CBLB: variants seen among roughly 807,000 people sequenced by gnomAD.
CBLB encodes Cbl proto-oncogene B.
A neutral mutation model predicts 104.9 loss-of-function variants in CBLB; 31 were observed. The ratio of observed to expected loss-of-function variants is 0.30; its 90% CI spans 0.22 to 0.40. The LOEUF is 0.40. Among genes scored for constraint, CBLB ranks in the 10% least tolerant of loss-of-function variants. The pLI, the probability that CBLB is intolerant of heterozygous loss-of-function variation, is 1.00. For synonymous variants in CBLB, 440 were observed against 422.6 expected, an observed-to-expected ratio of 1.04 and a Z score of -0.51; for missense variants, 1,062 against 1,214.6, an observed-to-expected ratio of 0.87 and a Z score of 1.87.
chr3:105,838,206 C>G (rs918606577), intron 3 of CBLB, among the ~76,000 whole-genome samples: 1 of 149,438 alleles, frequency 6.7e-6, no homozygotes, highest in Non-Finnish European at 1.5e-5. Context: ...ATTTCAGCCT[C>G]CAGAGTAGCT....
chr3:105,834,299 C>A (rs867425901), intron 3 of CBLB, among the ~76,000 whole-genome samples: 7 of 152,100 alleles, frequency 4.6e-5, no homozygotes, highest in African/African-American at 1.7e-4. Flanking sequence ...TTTAGCCATT[C>A]CACAATGTAT....
chr3:105,680,419 G>A (rs1468575170), intron 16 of CBLB, among the ~76,000 whole-genome samples: 1 of 152,136 alleles, frequency 6.6e-6, no homozygotes, highest in Admixed American at 6.5e-5. Context: ...TAACCCATAT[G>A]CAAATATACA....
At chr3:105,749,844 T>A in intron 5 of CBLB, 1 of 202,128 alleles carries the variant, frequency 4.9e-6, no homozygotes. Flanking sequence ...CTTAAAATCT[T>A]TGAAAAAAAC....
intron 12 of CBLB, among the ~76,000 whole-genome samples, chr3:105,697,473 C>A (rs1400729515): frequency 6.6e-6 from 1 of 151,958 alleles, no homozygotes; most frequent in Non-Finnish European, 1.5e-5. Context: ...AAAACACAAG[C>A]CTTTACCTTA....
intron 3 of CBLB, among the ~76,000 whole-genome samples, chr3:105,841,324 T>C (rs2089509341): frequency 6.6e-6 from 1 of 151,638 alleles, no homozygotes; most frequent in African/African-American, 2.4e-5. Context: ...ATTAAAAATG[T>C]TCACACCACA....
chr3:105,824,962 G>C (rs1319369653), intron 3 of CBLB, among the ~76,000 whole-genome samples: 2 of 152,112 alleles, frequency 1.3e-5, no homozygotes, highest in African/African-American at 4.8e-5. Context: ...AGAGTACCTA[G>C]AGCGTTACTA....
intron 18 of CBLB, among the ~76,000 whole-genome samples, chr3:105,662,933 T>C (rs2063931449): frequency 6.9e-6 from 1 of 145,498 alleles, no homozygotes; most frequent in Non-Finnish European, 1.5e-5. Flanking sequence ...CACTTGAGAC[T>C]GTCATTAGGA....
chr3:105,681,856 T>C (rs375424779), intron 14 of CBLB, 38 bp from the exon 15 acceptor site: 103 of 1,172,460 alleles, frequency 8.8e-5, no homozygotes, highest in East Asian at 2.1e-4. Context: ...ATAAGGAGAA[T>C]ACTTTCCAAT....
intron 18 of CBLB, among the ~76,000 whole-genome samples, chr3:105,668,530 T>C (rs1395310510): frequency 6.6e-6 from 1 of 152,168 alleles, no homozygotes; most frequent in African/African-American, 2.4e-5. Context: ...TTAAAAAAAA[T>C]TGCTTCCTTA....
At chr3:105,659,497 A>G (rs2063575781) in intron 18 of CBLB, among the ~76,000 whole-genome samples, 1 of 152,158 alleles carries the variant, frequency 6.6e-6, no homozygotes, top group African/African-American at 2.4e-5. Context: ...TCTTCAAGCC[A>G]TATGTGGTCA....
intron 12 of CBLB, among the ~76,000 whole-genome samples, chr3:105,696,057 C>CAT (rs1034056814): frequency 1.3e-5 from 2 of 151,290 alleles, no homozygotes; most frequent in Admixed American, 1.3e-4. Context: ...TATACACATA[C>CAT]ATATATATAC....
intron 4 of CBLB, among the ~76,000 whole-genome samples, chr3:105,767,760 C>A (rs2078388955): frequency 6.6e-6 from 1 of 151,888 alleles, no homozygotes; most frequent in Non-Finnish European, 1.5e-5. Context: ...TATTTTAAGC[C>A]GTCATAACAA....
chr3:105,799,976 A>C lies in CBLB; in HGVS notation c.420-23434T>G, dbSNP rs1195136419. 1.3e-5 allele frequency among the ~76,000 whole-genome samples: 2 copies of C among 152,212 alleles called. 1 individual carries two copies. On this transcript the variant is annotated intron_variant, in intron 3 of 18. Transcript: ENST00000394030. ...TTTTAGACTAAGCAGCCAGGGACAT[A>C]ATTTTAAAAGTACATCTGAAATACC...
chr3:105,828,288 G>T (rs1281903061), intron 3 of CBLB, among the ~76,000 whole-genome samples: 1 of 152,068 alleles, frequency 6.6e-6, no homozygotes, highest in Non-Finnish European at 1.5e-5. Flanking sequence ...TGTGAACCCA[G>T]GAAATGCTAT....
At chr3:105,806,757 A>G (rs1397748589) in intron 3 of CBLB, among the ~76,000 whole-genome samples, 1 of 152,136 alleles carries the variant, frequency 6.6e-6, no homozygotes, top group Non-Finnish European at 1.5e-5. Flanking sequence ...CAAAAAGGAG[A>G]TATGGCAAAA....
In CBLB at chr3:105,656,516, C is replaced by T. The variant is rs1428584337; in HGVS notation, c.*2454G>A. 1 of 191,452 alleles carries T rather than the reference C, an allele frequency of 5.2e-6. No individual in the cohort carries two copies. The highest frequency in any genetic ancestry group is 6.2e-5 in the Admixed American group (1 of 16,216). The allele number at this position is 191,452 out of a possible 1,614,324, so 11.9% of individuals were successfully genotyped here. A position where few individuals can be genotyped will look rare whatever the true frequency, so the allele number is the denominator to read the frequency against. On this transcript the variant is annotated 3_prime_UTR_variant, in exon 19 of 19. Coordinates refer to ENST00000394030, the MANE Select transcript of CBLB (RefSeq NM_170662.5). ...TTCCATTACGTATGAATTTTTGATT[C>T]ATTCTTTTTAAATGACAATACTAAT...
chr3:105,779,463 T>G (rs1218283895), intron 3 of CBLB, among the ~76,000 whole-genome samples: 1 of 152,186 alleles, frequency 6.6e-6, no homozygotes, highest in African/African-American at 2.4e-5. Flanking sequence ...TGAAAGAAAC[T>G]CAAGCTCATA....
Position 105,657,265 on chromosome 3 carries a change from C to T in CBLB, c.*1705G>A. 4.5e-6 allele frequency: 1 copy of T among 220,248 alleles called. No homozygotes were observed. The highest frequency in any genetic ancestry group is 1.9e-4 in the South Asian group (1 of 5,404). The allele number at this position is 220,248 out of a possible 1,614,324, so 13.6% of individuals were successfully genotyped here. A position where few individuals can be genotyped will look rare whatever the true frequency, so the allele number is the denominator to read the frequency against. On this transcript the variant is annotated 3_prime_UTR_variant, in exon 19 of 19. Transcript: ENST00000394030. ...GATCTACTAGATGTTCAGTCATGTCCTTTCAGGTCCTGAAGGCAGGCTCAC... is the reference window on the plus strand; with the variant it reads ...GATCTACTAGATGTTCAGTCATGTCTTTTCAGGTCCTGAAGGCAGGCTCAC...
chr3:105,775,627 T>C (rs1157828811), intron 4 of CBLB, among the ~76,000 whole-genome samples: 1 of 152,236 alleles, frequency 6.6e-6, no homozygotes, highest in Middle Eastern at 3.2e-3. Context: ...AAAAGGTTAC[T>C]GGGGAAACCA....
Sources: gnomAD v4.1 joint callset for allele counts (sites outside exome capture counted in the v4.1 genomes callset) on GRCh38, gnomAD v4.1.1 for gene constraint, MANE v1.5 for transcripts, NCBI Gene and HGNC (gene_info 2026-07-23, HGNC 2026-07-21) for gene names.